The following PPP1R37 variants were observed in gnomAD, a reference collection of about 807,000 sequenced individuals.
PPP1R37 encodes the protein leucine rich repeat containing 68.
PPP1R37 carries 21 observed loss-of-function variants against 61.0 expected under a neutral mutation model. The observed-to-expected ratio is 0.34, with a 90% CI of 0.24 to 0.50. The LOEUF (loss-of-function observed/expected upper bound fraction) is 0.50, where lower values mean the gene tolerates loss of function less well. Ranked by LOEUF, PPP1R37 falls within the 20% of genes least tolerant of loss-of-function variation. The pLI, the probability that PPP1R37 is intolerant of heterozygous loss-of-function variation, is 0.98. For missense variants in PPP1R37, 910 were observed against 952.7 expected (o/e 0.96, Z 0.59); for synonymous variants, 443 against 433.5 (o/e 1.02, Z -0.27).
At chr19:45,128,588 C>G (rs1276518301) in intron 1 of PPP1R37, 2 of 1,262,612 alleles carry the variant, frequency 1.6e-6, no homozygotes, top group Non-Finnish European at 2.3e-6. Flanking sequence ...ATTTGGACTT[C>G]GAGACAAGAG....
At chr19:45,126,374 G>C (rs1470937496) in intron 1 of PPP1R37, among the ~76,000 whole-genome samples, 1 of 152,164 alleles carries the variant, frequency 6.6e-6, no homozygotes, top group Non-Finnish European at 1.5e-5. Context: ...TCCCTGGGAA[G>C]GTGCTGTTGA....
rs552142309 is a variant in PPP1R37 at position 45,095,011 on chromosome 19, A to G, written c.202+1484A>G. On this transcript the variant is annotated intron_variant, in intron 1 of 12. Transcript: ENST00000221462. ...TGGGGTGGAGCCCATGAAGTGAGGG[A>G]TCAGACTGGCTGTGGTGGCCGTGGT... Among the ~76,000 whole-genome samples the G allele has an allele frequency of 2.0e-5, 3 of 152,082 alleles. No homozygotes were observed. In the South Asian group the frequency reaches 6.2e-4, roughly 31 times the overall value.
intron 1 of PPP1R37, among the ~76,000 whole-genome samples, chr19:45,129,852 T>TCC (rs1263507910): frequency 1.3e-5 from 2 of 152,186 alleles, no homozygotes; most frequent in Non-Finnish European, 2.9e-5. Context: ...GCGGTCTCTC[T>TCC]CCCCAACACA....
chr19:45,144,680 G>A, intron 8 of PPP1R37, 174 bp from the exon 9 acceptor site: 2 of 575,222 alleles, frequency 3.5e-6, no homozygotes, highest in Non-Finnish European at 5.9e-6. Context: ...AGGCACAGGA[G>A]GGACTTCAGG....
intron 1 of PPP1R37, among the ~76,000 whole-genome samples, chr19:45,112,499 T>C (rs1968214294): frequency 6.6e-6 from 1 of 152,244 alleles, no homozygotes; most frequent in East Asian, 1.9e-4. Flanking sequence ...CCTTCCTGGC[T>C]GTCTTTCCTT....
Position 45,145,515 on chromosome 19 carries a change from G to C in PPP1R37, c.1459G>C (p.Glu487Gln). Residue 487 changes from glutamate (E) to glutamine (Q), a missense_variant, in exon 11 of 13, where the codon GAG becomes CAG. Coordinates refer to ENST00000221462, the MANE Select transcript of PPP1R37 (RefSeq NM_019121.2). ...CGCCACCGAGCCCCAGCCCGACGAC[G>C]AGCCCGCCGCTGGGGTGCAGAACGG... Reference protein sequence around the residue: ...TTATEPQPDDEPAAGVQNGAP... With the variant: ...TTATEPQPDDQPAAGVQNGAP... 2 of 1,534,032 alleles carry C rather than the reference G, an allele frequency of 1.3e-6. No individual in the cohort carries two copies. Among genetic ancestry groups the C allele is most frequent in the South Asian group, 1.2e-5 (1 of 83,956 alleles).
At chr19:45,137,845 A>C (rs1370788664) in intron 1 of PPP1R37, among the ~76,000 whole-genome samples, 20 of 150,696 alleles carry the variant, frequency 1.3e-4, no homozygotes, top group Non-Finnish European at 2.5e-4. Context: ...AAAAAAAAAA[A>C]AACAAACCAA....
chr19:45,098,796 G>A (rs890941883), intron 1 of PPP1R37, among the ~76,000 whole-genome samples: 2 of 152,030 alleles, frequency 1.3e-5, no homozygotes, highest in South Asian at 2.1e-4. Context: ...TTAGAGAATC[G>A]GCTTGCTTCA....
At chr19:45,120,752 ATAG>A (rs1968332271) in intron 1 of PPP1R37, among the ~76,000 whole-genome samples, 1 of 152,144 alleles carries the variant, frequency 6.6e-6, no homozygotes, top group Non-Finnish European at 1.5e-5. Flanking sequence ...AGCTGGGATT[ATAG>A]GCACCCGCTA....
At chr19:45,111,940 G>A (rs913516408) in intron 1 of PPP1R37, among the ~76,000 whole-genome samples, 2 of 151,872 alleles carry the variant, frequency 1.3e-5, no homozygotes, top group Non-Finnish European at 2.9e-5. Flanking sequence ...GTATTGTGAG[G>A]AAATTCCTGG....
At chr19:45,133,581 G>A (rs2122744427) in intron 1 of PPP1R37, among the ~76,000 whole-genome samples, 1 of 152,276 alleles carries the variant, frequency 6.6e-6, no homozygotes, top group East Asian at 1.9e-4. Flanking sequence ...TCCAGCCCAG[G>A]CCCTACACCA....
chr19:45,134,396 G>A (rs2122745385), intron 1 of PPP1R37, among the ~76,000 whole-genome samples: 1 of 152,270 alleles, frequency 6.6e-6, no homozygotes, highest in African/African-American at 2.4e-5. Flanking sequence ...GCTGGGGATG[G>A]GCCTGGCGGG....
intron 1 of PPP1R37, among the ~76,000 whole-genome samples, chr19:45,105,376 C>T (rs1472984932): frequency 6.6e-6 from 1 of 152,110 alleles, no homozygotes; most frequent in Non-Finnish European, 1.5e-5. Context: ...TGCTTGCCCT[C>T]TCTGTGGGGC....
chr19:45,140,533 A>T lies in PPP1R37; in HGVS notation c.374A>T (p.Glu125Val). The T allele has an allele frequency of 1.3e-6, 2 of 1,536,022 alleles. No homozygotes were observed. The highest frequency in any genetic ancestry group is 1.7e-6 in the Non-Finnish European group (2 of 1,146,840). The change falls in exon 4 of 13, where the codon GAG becomes GTG. Residue 125 changes from glutamate to valine, a missense_variant. Glu to Val is a moderately radical substitution (Grantham distance 121). Coordinates refer to ENST00000221462, the MANE Select transcript of PPP1R37 (RefSeq NM_019121.2). ...KGEKLDYKTC[E>V]ALEEVFKRLQ... is the part of the protein sequence containing the mutation. The stretch of plus-strand genomic sequence containing the variant: ...GAGAAGCTTGACTACAAGACCTGTG[A>T]GGCCCTGGAAGAGGTCTTCAAGAGG...
chr19:45,094,850 C>A (rs923587455), intron 1 of PPP1R37, among the ~76,000 whole-genome samples: 15 of 152,074 alleles, frequency 9.9e-5, no homozygotes, highest in Non-Finnish European at 1.8e-4. Flanking sequence ...AGGGCCAGCG[C>A]ACTGGAGAGG....
Position 45,126,973 on chromosome 19 carries a change from T to C in PPP1R37, c.203-11541T>C, listed in dbSNP as rs28624627. ...TGTGAGTTGTGTAGTAATACGGTCC[T>C]ATATCACTTAATGATGACACATTCT... On this transcript the variant is annotated intron_variant, in intron 1 of 12. Coordinates refer to ENST00000221462, the MANE Select transcript of PPP1R37 (RefSeq NM_019121.2). 4.0e-3 allele frequency among the ~76,000 whole-genome samples: 612 copies of C among 152,364 alleles called. 2 individuals are homozygous for C. Among genetic ancestry groups the C allele is most frequent in the African/African-American group, 0.014 (593 of 41,588 alleles).
At chr19:45,140,042 G>A (rs887671401) in intron 2 of PPP1R37, among the ~76,000 whole-genome samples, 194 bp from the exon 3 acceptor site, 5 of 152,230 alleles carry the variant, frequency 3.3e-5, no homozygotes, top group South Asian at 2.1e-4. Flanking sequence ...TTGTGTGGGT[G>A]CAGAGTTCTC....
intron 8 of PPP1R37, 135 bp from the exon 9 acceptor site, chr19:45,144,719 C>A (rs1390538805): frequency 1.4e-6 from 1 of 725,942 alleles, no homozygotes; most frequent in South Asian, 2.0e-5. Flanking sequence ...AGGACGGCGC[C>A]GGTGTTCACG....
rs530374233 is a variant in PPP1R37 at position 45,132,358 on chromosome 19, T to C, written c.203-6156T>C. On this transcript the variant is annotated intron_variant, in intron 1 of 12. Coordinates refer to ENST00000221462, the MANE Select transcript of PPP1R37 (RefSeq NM_019121.2). ...TCTCACTCTATTGCCCAGGCTGGAG[T>C]ACAGCGACACAATCACAGCTCACTG... 4.3e-4 allele frequency among the ~76,000 whole-genome samples: 65 copies of C among 152,038 alleles called. 1 individual carries two copies. The South Asian group carries it at 0.013, about 31-fold the overall frequency.
Sources: gnomAD v4.1 joint callset for allele counts (sites outside exome capture counted in the v4.1 genomes callset) on GRCh38, gnomAD v4.1.1 for gene constraint, MANE v1.5 for transcripts, NCBI Gene and HGNC (gene_info 2026-07-23, HGNC 2026-07-21) for gene names.